Variants in CENPK observed in about 807,000 individuals in gnomAD.
The protein encoded by CENPK is centromere protein K, also known as SoxLZ/Sox6-binding protein Solt.
In CENPK, 46 loss-of-function variants were observed where a neutral mutation model predicts 40.9. That is an observed-to-expected ratio of 1.13 (90% CI 0.89 to 1.44). The LOEUF is 1.44. Ranked by LOEUF, CENPK falls within the 40% of genes most tolerant of loss-of-function variation. CENPK has a pLI of 0.00. For synonymous variants in CENPK, 107 were observed against 104.4 expected, an observed-to-expected ratio of 1.02 and a Z score of -0.15; for missense variants, 288 against 303.5, an observed-to-expected ratio of 0.95 and a Z score of 0.38.
chr5:65,534,190 T>C (rs1424867992), intron 6 of CENPK, among the ~76,000 whole-genome samples: 1 of 151,886 alleles, frequency 6.6e-6, no homozygotes, highest in Admixed American at 6.6e-5. Context: ...TACAAAACAC[T>C]GGTGAGACAA....
chr5:65,551,731 G>T, intron 4 of CENPK, 95 bp from the exon 5 acceptor site: 2 of 610,718 alleles, frequency 3.3e-6, no homozygotes, highest in Non-Finnish European at 5.4e-6. Flanking sequence ...AAACTTTGCA[G>T]GGGGGTGGCA....
At chr5:65,508,614 ATC>A in the CENPK span, among the ~76,000 whole-genome samples, 212 of 151,974 alleles carry the variant, frequency 1.4e-3, 1 homozygote, top group South Asian at 0.013. Context: ...GTGAAACCCC[ATC>A]TCTACTAAAA....
In CENPK at chr5:65,528,491, G is replaced by T; in HGVS notation, c.558C>A (p.Asp186Glu). ...CACTTCTATCAGGCAGAGGAAAATGGTCTTCTAGAAACTCGCCCAAGGTAC... is the reference window on the plus strand; with the variant it reads ...CACTTCTATCAGGCAGAGGAAAATGTTCTTCTAGAAACTCGCCCAAGGTAC... ...LLSTLGEFLE[D>E]HFPLPDRSVK... Residue 186 changes from aspartate to glutamate, a missense_variant, in exon 9 of 11, where the codon GAC becomes GAA. Physicochemically the swap from Asp to Glu is conservative, Grantham distance 45. Transcript: ENST00000396679. The T allele has an allele frequency of 6.2e-7, 1 of 1,605,348 alleles. No homozygotes were observed. Among genetic ancestry groups the T allele is most frequent in the Non-Finnish European group, 8.5e-7 (1 of 1,177,382 alleles).
chr5:65,522,632 C>T (rs1026113271), intron 9 of CENPK, among the ~76,000 whole-genome samples: 1 of 152,100 alleles, frequency 6.6e-6, no homozygotes, highest in Admixed American at 6.6e-5. Flanking sequence ...GGTCTTGCTA[C>T]GTTGTCCAAG....
At chr5:65,510,051 T>C in the CENPK span, among the ~76,000 whole-genome samples, 9 of 152,178 alleles carry the variant, frequency 5.9e-5, no homozygotes, top group African/African-American at 2.2e-4. Context: ...AATATTGAAA[T>C]AGGCCAATTA....
chr5:65,523,180 A>G (rs1163347292), intron 9 of CENPK, among the ~76,000 whole-genome samples: 2 of 152,200 alleles, frequency 1.3e-5, no homozygotes, highest in Non-Finnish European at 2.9e-5. Flanking sequence ...CTGTCATCCA[A>G]CATATTTACT....
chr5:65,521,085 TTA>T (rs1743646210), intron 10 of CENPK, among the ~76,000 whole-genome samples: 1 of 152,074 alleles, frequency 6.6e-6, no homozygotes, highest in Non-Finnish European at 1.5e-5. Flanking sequence ...ATTACGTATT[TTA>T]TATAGAGTAC....
intron 9 of CENPK, among the ~76,000 whole-genome samples, chr5:65,528,180 GA>G (rs1475991140): frequency 2.0e-5 from 3 of 152,224 alleles, no homozygotes; most frequent in Admixed American, 2.0e-4. Context: ...GGCAGAGGTT[GA>G]AGTGAGCTGA....
intron 2 of CENPK, among the ~76,000 whole-genome samples, chr5:65,560,397 G>A (rs1331891751): frequency 1.3e-5 from 2 of 152,098 alleles, no homozygotes; most frequent in Non-Finnish European, 2.9e-5. Flanking sequence ...AAGGGTTGTG[G>A]CTGGGATGGG....
downstream of CENPK, among the ~76,000 whole-genome samples, chr5:65,514,224 CATA>C (rs1403732798): frequency 9.4e-6 from 1 of 106,498 alleles, no homozygotes; most frequent in African/African-American, 3.7e-5. Context: ...GCTGGCCTCA[CATA>C]ATCTTTTTTT....
At chr5:65,555,319 A>G (rs155061) in intron 2 of CENPK, 109,757 of 159,276 alleles carry the variant, frequency 0.69, 39,069 homozygotes, top group African/African-American at 0.87. Context: ...GAGGGTTCAG[A>G]CAGAGGGAAC....
At chr5:65,525,584 A>G (rs1033592010) in intron 9 of CENPK, among the ~76,000 whole-genome samples, 4 of 152,132 alleles carry the variant, frequency 2.6e-5, no homozygotes, top group Admixed American at 2.6e-4. Context: ...CTTTGTATAC[A>G]TCTTTGAGTT....
intron 5 of CENPK, among the ~76,000 whole-genome samples, chr5:65,544,944 A>G (rs1048017157): frequency 2.0e-5 from 3 of 152,202 alleles, no homozygotes; most frequent in Non-Finnish European, 4.4e-5. Flanking sequence ...TTCTGAAGAT[A>G]CACTGCATAA....
At chr5:65,516,201 A>G (rs1742843581), downstream of CENPK, among the ~76,000 whole-genome samples, 1 of 152,204 alleles carries the variant, frequency 6.6e-6, no homozygotes, top group Non-Finnish European at 1.5e-5. Context: ...ATCTTTCTCC[A>G]TCTCTGTATT....
intron 2 of CENPK, among the ~76,000 whole-genome samples, chr5:65,558,280 C>T (rs553358686): frequency 3.3e-5 from 5 of 151,556 alleles, no homozygotes; most frequent in South Asian, 4.2e-4. Flanking sequence ...CATCTTTATA[C>T]GGTACAGTAA....
chr5:65,542,705 A>T, intron 6 of CENPK, 97 bp downstream of exon 6: 1 of 822,388 alleles, frequency 1.2e-6, no homozygotes, highest in African/African-American at 1.8e-5. Flanking sequence ...ATATGGTTTT[A>T]GAGTGGTTTT....
intron 5 of CENPK, among the ~76,000 whole-genome samples, chr5:65,549,327 G>C (rs927180663): frequency 7.2e-5 from 11 of 152,172 alleles, no homozygotes; most frequent in African/African-American, 2.4e-4. Flanking sequence ...CACAGGCAGA[G>C]TAGATTTGGT....
At chr5:65,547,119 G>A (rs947172856) in intron 5 of CENPK, among the ~76,000 whole-genome samples, 4 of 152,098 alleles carry the variant, frequency 2.6e-5, no homozygotes, top group South Asian at 2.1e-4. Context: ...GAGGCTGGGC[G>A]TGGTGGCTCA....
chr5:65,543,177 C>T (rs1340550909), intron 5 of CENPK, among the ~76,000 whole-genome samples: 14 of 152,112 alleles, frequency 9.2e-5, no homozygotes, highest in Non-Finnish European at 1.6e-4. Flanking sequence ...TTGGCCAAGC[C>T]AGTCTTGAAC....
Sources: gnomAD v4.1 joint callset for allele counts (sites outside exome capture counted in the v4.1 genomes callset) on GRCh38, gnomAD v4.1.1 for gene constraint, MANE v1.5 for transcripts, NCBI Gene and HGNC (gene_info 2026-07-23, HGNC 2026-07-21) for gene names.